ATXN10: variants seen among roughly 807,000 people sequenced by gnomAD.
ATXN10 encodes ataxin 10.
ATXN10 carries 28 observed loss-of-function variants against 52.9 expected under a neutral mutation model. The observed-to-expected ratio is 0.53, with a 90% CI of 0.39 to 0.73. The LOEUF (loss-of-function observed/expected upper bound fraction) is 0.73. ATXN10 is among the 30% of genes least tolerant of loss of function. The pLI, the probability that ATXN10 is intolerant of heterozygous loss-of-function variation, is 0.00. For synonymous variants in ATXN10, 226 were observed against 221.5 expected (o/e 1.02, Z -0.18); for missense variants, 565 against 577.0 (o/e 0.98, Z 0.21).
chr22:45,781,974 A>G lies in ATXN10; in HGVS notation c.1174-24985A>G, dbSNP rs909610001. Among the ~76,000 whole-genome samples the G allele has an allele frequency of 3.3e-5, 5 of 152,250 alleles. No homozygotes were observed. The highest frequency in any genetic ancestry group is 1.2e-4 in the African/African-American group (5 of 41,468). ...AAAAAGTTAACCAAGCTTCAGGGAT[A>G]TGTGGGACTTTAATAAAAGGCCGAA... is the stretch of plus-strand genomic sequence containing the variant. On this transcript the variant is annotated intron_variant, in intron 9 of 11. Transcript: ENST00000252934. The surrounding 1 kb of genome is among the most constrained non-coding windows in gnomAD (Gnocchi z 4.2).
At chr22:45,729,658 C>A in intron 7 of ATXN10, 68 bp downstream of exon 7, 1 of 1,524,712 alleles carries the variant, frequency 6.6e-7, no homozygotes, top group Non-Finnish European at 9.1e-7. Flanking sequence ...CAGCCAAGTC[C>A]TGTATGAGAA....
intron 9 of ATXN10, among the ~76,000 whole-genome samples, chr22:45,747,479 C>T (rs1041641381): frequency 2.0e-5 from 3 of 150,720 alleles, no homozygotes; most frequent in Non-Finnish European, 4.4e-5. Flanking sequence ...GTTCTAGCCT[C>T]GGTGAGGGTG....
At position 45,781,001 on chromosome 22, in the gene ATXN10, A is replaced by G. The variant is rs1297891486; in HGVS notation, c.1174-25958A>G. Reference sequence around the variant, plus strand: ...CTGATTAATGTTAGAGAAGCTGTCAACCCAGAAACACCAATGGGTGCAGAC... The same window carrying G: ...CTGATTAATGTTAGAGAAGCTGTCAGCCCAGAAACACCAATGGGTGCAGAC... On this transcript the variant is annotated intron_variant, in intron 9 of 11. Coordinates refer to ENST00000252934, the MANE Select transcript of ATXN10 (RefSeq NM_013236.4). The surrounding 1 kb of genome is among the most constrained non-coding windows in gnomAD (Gnocchi z 4.2). Among the ~76,000 whole-genome samples the G allele has an allele frequency of 6.6e-6, 1 of 152,218 alleles. No homozygotes were observed. The highest frequency in any genetic ancestry group is 1.5e-5 in the Non-Finnish European group (1 of 68,030).
intron 10 of ATXN10, among the ~76,000 whole-genome samples, chr22:45,807,389 T>C (rs1928136252): frequency 6.6e-6 from 1 of 152,214 alleles, no homozygotes; most frequent in South Asian, 2.1e-4. Context: ...ATTGTTTTGC[T>C]ATAGAGATTC....
Position 45,789,828 on chromosome 22 carries a change from C to T in ATXN10, c.1174-17131C>T, listed in dbSNP as rs576614415. Among the ~76,000 whole-genome samples the T allele has an allele frequency of 1.5e-4, 23 of 152,194 alleles. No individual in the cohort carries two copies. The East Asian group carries it at 4.4e-3, about 29-fold the overall frequency. ...TGCCAACTACACTCCTTTTTTTCCTCTTGGACCGCTGGTGAGGAGTGGATA... is the reference window on the plus strand; with the variant it reads ...TGCCAACTACACTCCTTTTTTTCCTTTTGGACCGCTGGTGAGGAGTGGATA... On this transcript the variant is annotated intron_variant, in intron 9 of 11. Coordinates refer to ENST00000252934, the MANE Select transcript of ATXN10 (RefSeq NM_013236.4). This position sits in a 1 kb window ranked among gnomAD's most constrained non-coding sequence, Gnocchi z 4.0.
At chr22:45,736,270 T>C (rs1427737948) in intron 7 of ATXN10, among the ~76,000 whole-genome samples, 1 of 152,218 alleles carries the variant, frequency 6.6e-6, no homozygotes, top group East Asian at 1.9e-4. Flanking sequence ...CTCATTCTTA[T>C]GCCAGTTGCC....
At chr22:45,747,325 A>G (rs1925770752) in intron 9 of ATXN10, among the ~76,000 whole-genome samples, 1 of 152,078 alleles carries the variant, frequency 6.6e-6, no homozygotes, top group African/African-American at 2.4e-5. Flanking sequence ...ACAACATAAT[A>G]AGACTCCATC....
In ATXN10 at chr22:45,681,409, T is replaced by A. The variant is rs965400365; in HGVS notation, c.117-8303T>A. 1.3e-5 allele frequency among the ~76,000 whole-genome samples: 2 copies of A among 152,186 alleles called. No homozygotes were observed. The highest frequency in any genetic ancestry group is 4.8e-5 in the African/African-American group (2 of 41,440). ...TAGGGCCCTTGCTTCATCAAGTCTT[T>A]AACCTCACCAGGACCTACAGTCTTT... On this transcript the variant is annotated intron_variant, in intron 1 of 11. Coordinates refer to ENST00000252934, the MANE Select transcript of ATXN10 (RefSeq NM_013236.4). This position sits in a 1 kb window ranked among gnomAD's most constrained non-coding sequence, Gnocchi z 4.2.
At chr22:45,700,725 C>CAATATT (rs1923810269) in intron 4 of ATXN10, among the ~76,000 whole-genome samples, 1 of 152,036 alleles carries the variant, frequency 6.6e-6, no homozygotes, top group South Asian at 2.1e-4. Context: ...TTGTTAAGGA[C>CAATATT]ACTGAAATTT....
rs555225743 is a variant in ATXN10, at chr22:45,819,610, G to A, written c.1237+12588G>A. On this transcript the variant is annotated intron_variant, in intron 10 of 11. Transcript: ENST00000252934. This position sits in a 1 kb window ranked among gnomAD's most constrained non-coding sequence, Gnocchi z 4.5. The stretch of plus-strand genomic sequence containing the variant: ...TCCCATGCAGGAAGCTTTACCTTCA[G>A]GAAAGCTGCTGGATTGAGACTGGAG... Among the ~76,000 whole-genome samples the A allele has an allele frequency of 6.6e-6, 1 of 152,326 alleles. No individual in the cohort carries two copies. The highest frequency in any genetic ancestry group is 6.5e-5 in the Admixed American group (1 of 15,306).
At chr22:45,729,817 G>C (rs532347943) in intron 7 of ATXN10, 28 of 573,420 alleles carry the variant, frequency 4.9e-5, no homozygotes, top group Middle Eastern at 4.7e-4. Context: ...TTTCTAGACA[G>C]ATGACATCAG....
intron 9 of ATXN10, among the ~76,000 whole-genome samples, chr22:45,767,327 C>T (rs1036596776): frequency 4.6e-5 from 7 of 151,838 alleles, no homozygotes; most frequent in Non-Finnish European, 7.4e-5. Flanking sequence ...AAATAGCAAT[C>T]GCAAAACATT....
intron 9 of ATXN10, among the ~76,000 whole-genome samples, chr22:45,803,324 C>G (rs999249511): frequency 2.6e-5 from 4 of 152,204 alleles, no homozygotes; most frequent in Non-Finnish European, 5.9e-5. Flanking sequence ...ATCTTATCTT[C>G]CAGCTTTTGC....
rs1926798893 is a variant in ATXN10, at chr22:45,772,097, T to C, written c.1173+31559T>C. ...AATTTTTGAAGTTCACTTTATCAATTTTTTTCTTTTATGAATCATACTTTT... is the reference window on the plus strand; with the variant it reads ...AATTTTTGAAGTTCACTTTATCAATCTTTTTCTTTTATGAATCATACTTTT... On this transcript the variant is annotated intron_variant, in intron 9 of 11. Transcript: ENST00000252934. The surrounding 1 kb of genome is among the most constrained non-coding windows in gnomAD (Gnocchi z 4.1). 6.6e-6 allele frequency among the ~76,000 whole-genome samples: 1 copy of C among 152,222 alleles called. No individual in the cohort carries two copies. Among genetic ancestry groups the C allele is most frequent in the South Asian group, 2.1e-4 (1 of 4,830 alleles).
At chr22:45,679,417 G>A (rs1313985227) in intron 1 of ATXN10, 2 of 152,164 alleles carry the variant, frequency 1.3e-5, no homozygotes, top group Non-Finnish European at 2.9e-5. Flanking sequence ...ATTGTTACTT[G>A]GTTGTATAAA....
In ATXN10 at chr22:45,684,409, A is replaced by G. The variant is rs987680559; in HGVS notation, c.117-5303A>G. On this transcript the variant is annotated intron_variant, in intron 1 of 11. Coordinates refer to ENST00000252934, the MANE Select transcript of ATXN10 (RefSeq NM_013236.4). This position sits in a 1 kb window ranked among gnomAD's most constrained non-coding sequence, Gnocchi z 4.1. ...CCTTTAAAGCAGGGGTTGCCAGACC[A>G]TGGCCAGATCTGGCCTACTACCTGT... 1.3e-5 allele frequency among the ~76,000 whole-genome samples: 2 copies of G among 152,158 alleles called. No homozygotes were observed. The highest frequency in any genetic ancestry group is 2.1e-4 in the South Asian group (1 of 4,814).
chr22:45,689,379 T>C (rs927575845), intron 1 of ATXN10: 14 of 371,462 alleles, frequency 3.8e-5, no homozygotes, highest in Non-Finnish European at 7.2e-5. Flanking sequence ...CACTTGGCCT[T>C]GTGTCTCTGC....
intron 10 of ATXN10, among the ~76,000 whole-genome samples, chr22:45,817,847 C>T (rs1013231219): frequency 1.3e-5 from 2 of 152,052 alleles, no homozygotes; most frequent in Non-Finnish European, 2.9e-5. Context: ...CCAGTAAGAG[C>T]AGCCCACCGC....
intron 9 of ATXN10, 199 bp downstream of exon 9, chr22:45,740,737 CACGTGT>C (rs1925494598): frequency 1.3e-5 from 5 of 375,460 alleles, no homozygotes; most frequent in East Asian, 9.8e-5. Flanking sequence ...TACACACACA[CACGTGT>C]GTGTGTGTGT....
Sources: gnomAD v4.1 joint callset for allele counts (sites outside exome capture counted in the v4.1 genomes callset) on GRCh38, gnomAD v4.1.1 for gene constraint, Gnocchi (gnomAD v3.1) non-coding constraint, MANE v1.5 for transcripts, NCBI Gene and HGNC (gene_info 2026-07-23, HGNC 2026-07-21) for gene names.